ARMH4: variants seen among roughly 807,000 people sequenced by gnomAD.
ARMH4 encodes the protein armadillo-like helical domain-containing protein 4.
ARMH4 carries 49 observed loss-of-function variants against 61.9 expected under a neutral mutation model. That is an observed-to-expected ratio of 0.79 (90% CI 0.63 to 1.00). ARMH4 has a LOEUF of 1.00. Among genes scored for constraint, ARMH4 ranks in the 50% least tolerant of loss-of-function variants. The probability of loss-of-function intolerance (pLI) is 0.00; values close to 1 mark genes in which losing one functional copy is unlikely to be tolerated. For missense variants in ARMH4, 934 were observed against 930.0 expected (o/e 1.00, Z -0.06); for synonymous variants, 368 against 341.5 (o/e 1.08, Z -0.85).
intron 4 of ARMH4, among the ~76,000 whole-genome samples, chr14:58,112,791 T>C (rs1269140606): frequency 1.3e-5 from 2 of 152,142 alleles, no homozygotes; most frequent in African/African-American, 4.8e-5. Context: ...ATTAAAGAGA[T>C]TCTCCTGTCT....
At chr14:58,016,274 T>A (rs1882609670) in intron 5 of ARMH4, among the ~76,000 whole-genome samples, 1 of 152,152 alleles carries the variant, frequency 6.6e-6, no homozygotes, top group Non-Finnish European at 1.5e-5. Flanking sequence ...TTAGGTTATG[T>A]CTATAGAGTA....
chr14:58,114,637 TTTTA>T (rs1319974658), intron 4 of ARMH4, among the ~76,000 whole-genome samples: 35 of 152,292 alleles, frequency 2.3e-4, no homozygotes, highest in African/African-American at 6.0e-4. Flanking sequence ...GAGTGAGAGT[TTTTA>T]TTTGTTTTTC....
At chr14:58,120,185 A>G (rs1886676515) in intron 4 of ARMH4, among the ~76,000 whole-genome samples, 1 of 152,314 alleles carries the variant, frequency 6.6e-6, no homozygotes, top group Non-Finnish European at 1.5e-5. Flanking sequence ...CTGTAACACA[A>G]TGGTAAGTAT....
In ARMH4 at chr14:58,081,901, C is replaced by T. The variant is rs899904791; in HGVS notation, c.2089+14823G>A. On this transcript the variant is annotated intron_variant, in intron 5 of 7. Coordinates refer to ENST00000267485, the MANE Select transcript of ARMH4 (RefSeq NM_001001872.4). ...TTTCTTAATAGCATCCCATAATGAT[C>T]GTACATGTTCCAAAAATTAAAATAT... Among the ~76,000 whole-genome samples the T allele has an allele frequency of 6.0e-5, 9 of 150,786 alleles. No homozygotes were observed. In the South Asian group the frequency reaches 6.3e-4, roughly 11 times the overall value.
At chr14:58,134,647 G>C (rs1887242430) in intron 2 of ARMH4, among the ~76,000 whole-genome samples, 1 of 152,012 alleles carries the variant, frequency 6.6e-6, no homozygotes, top group Admixed American at 6.5e-5. Flanking sequence ...AGCTTTAAAA[G>C]GGTTCCTCAA....
At chr14:58,146,970 T>C (rs1220457103) in intron 1 of ARMH4, among the ~76,000 whole-genome samples, 1 of 152,096 alleles carries the variant, frequency 6.6e-6, no homozygotes, top group Non-Finnish European at 1.5e-5. Context: ...AAGAAACTGG[T>C]GACAGTTCGC....
intron 4 of ARMH4, among the ~76,000 whole-genome samples, chr14:58,101,740 G>A (rs565981910): frequency 6.6e-6 from 1 of 152,126 alleles, no homozygotes; most frequent in Non-Finnish European, 1.5e-5. Flanking sequence ...CAGCAGTGAG[G>A]ATTGTGAAAA....
At chr14:58,023,856 G>A (rs1882929785) in intron 5 of ARMH4, among the ~76,000 whole-genome samples, 1 of 152,180 alleles carries the variant, frequency 6.6e-6, no homozygotes, top group African/African-American at 2.4e-5. Context: ...GAGTTCTTGG[G>A]TAACTAGGTA....
intron 4 of ARMH4, among the ~76,000 whole-genome samples, chr14:58,099,800 A>G (rs984583912): frequency 3.3e-5 from 5 of 152,174 alleles, no homozygotes; most frequent in African/African-American, 1.2e-4. Context: ...CCTGGGAGAC[A>G]TGGTATTATA....
At chr14:58,099,752 A>G (rs573960508) in intron 4 of ARMH4, among the ~76,000 whole-genome samples, 43 of 152,306 alleles carry the variant, frequency 2.8e-4, no homozygotes, top group South Asian at 2.3e-3. Flanking sequence ...GGGGCAATCA[A>G]TGAGGCAGGA....
At chr14:58,012,194 C>T (rs1378300660) in intron 5 of ARMH4, 44 bp from the exon 6 acceptor site, 1 of 1,169,850 alleles carries the variant, frequency 8.5e-7, no homozygotes, top group East Asian at 2.6e-5. Context: ...CCATCTTTTA[C>T]TTATAATTCA....
chr14:58,095,468 G>C (rs1885717344), intron 5 of ARMH4, among the ~76,000 whole-genome samples: 1 of 152,172 alleles, frequency 6.6e-6, no homozygotes, highest in Admixed American at 6.5e-5. Context: ...CTTGTTCACA[G>C]ACCAGAGATA....
intron 4 of ARMH4, among the ~76,000 whole-genome samples, chr14:58,110,379 AT>A (rs1886315795): frequency 6.6e-6 from 1 of 152,206 alleles, no homozygotes; most frequent in Admixed American, 6.5e-5. Flanking sequence ...AGAATACAGC[AT>A]GTTGTTATTA....
chr14:58,101,368 G>A (rs940093235), intron 4 of ARMH4: 1 of 152,324 alleles, frequency 6.6e-6, no homozygotes, highest in Admixed American at 6.5e-5. Flanking sequence ...AATGAAAGCA[G>A]AAGACAGTTC....
chr14:58,090,207 G>A (rs577545763), intron 5 of ARMH4, among the ~76,000 whole-genome samples: 1 of 152,096 alleles, frequency 6.6e-6, no homozygotes. Flanking sequence ...TTATCCACCT[G>A]GAACATCAAT....
At chr14:58,102,630 T>G (rs1886029575) in intron 4 of ARMH4, among the ~76,000 whole-genome samples, 2 of 138,506 alleles carry the variant, frequency 1.4e-5, no homozygotes, top group Non-Finnish European at 3.1e-5. Flanking sequence ...GCTAACAAGG[T>G]GAAACCCCGT....
At chr14:58,118,575 A>C (rs1886614090) in intron 4 of ARMH4, among the ~76,000 whole-genome samples, 1 of 152,018 alleles carries the variant, frequency 6.6e-6, no homozygotes, top group Non-Finnish European at 1.5e-5. Flanking sequence ...CCAAGCACTG[A>C]GGTGCCAGAA....
chr14:58,009,054 G>T (rs1882289217), intron 6 of ARMH4, among the ~76,000 whole-genome samples: 2 of 152,146 alleles, frequency 1.3e-5, no homozygotes, highest in African/African-American at 4.8e-5. Flanking sequence ...GTTAATGATG[G>T]AATTAATACA....
At chr14:58,125,163 C>A (rs1052256274) in intron 4 of ARMH4, among the ~76,000 whole-genome samples, 1 of 151,972 alleles carries the variant, frequency 6.6e-6, no homozygotes, top group African/African-American at 2.4e-5. Flanking sequence ...AAAAGAGCCA[C>A]AAGGCAGGAC....
Sources: allele counts gnomAD v4.1 joint callset (sites outside exome capture counted in the v4.1 genomes callset), GRCh38; gene constraint gnomAD v4.1.1; transcripts MANE v1.5; gene names NCBI Gene and HGNC (gene_info 2026-07-23, HGNC 2026-07-21).